The following PARD3B variants were observed in gnomAD, a reference collection of about 807,000 sequenced individuals.
PARD3B encodes partitioning defective 3 homolog B.
A neutral mutation model predicts 130.2 loss-of-function variants in PARD3B; 103 were observed. That is an observed-to-expected ratio of 0.79 (90% CI 0.67 to 0.93). The LOEUF (loss-of-function observed/expected upper bound fraction) is 0.93. PARD3B is among the 40% of genes least tolerant of loss of function. PARD3B has a pLI of 0.00. For synonymous variants in PARD3B, 583 were observed against 553.2 expected (o/e 1.05, Z -0.76); for missense variants, 1,609 against 1,499.2 (o/e 1.07, Z -1.21).
At chr2:205,072,692 TAATG>T (rs912679503) in intron 4 of PARD3B, among the ~76,000 whole-genome samples, 1 of 152,144 alleles carries the variant, frequency 6.6e-6, no homozygotes, top group African/African-American at 2.4e-5. Context: ...AAATTGAAAA[TAATG>T]AGGAAGAAAA....
intron 13 of PARD3B, among the ~76,000 whole-genome samples, chr2:205,180,773 G>A (rs533748679): frequency 7.9e-5 from 12 of 152,100 alleles, no homozygotes; most frequent in African/African-American, 2.4e-4. Context: ...TATAGAAATC[G>A]TAATACCAGA....
rs757361545 is a variant in PARD3B at position 205,193,257 on chromosome 2, T to A, written c.2077T>A (p.Ser693Thr). Reference sequence around the variant, plus strand: ...TCCAGATCAGCACATCAACTTCAGATCTGTGACACCGGCCAGGCAGCCTGA... The same window carrying A: ...TCCAGATCAGCACATCAACTTCAGAACTGTGACACCGGCCAGGCAGCCTGA... ...YFPDQHINFR[S>T]VTPARQPESI... The change falls in exon 15 of 23, where the codon TCT (serine) becomes ACT (threonine). Residue 693 changes from serine (S) to threonine (T), a missense_variant. Ser to Thr is a moderately conservative substitution (Grantham distance 58). Transcript: ENST00000406610. 1.9e-6 allele frequency: 3 copies of A among 1,613,828 alleles called. No homozygotes were observed. The highest frequency in any genetic ancestry group is 2.2e-5 in the East Asian group (1 of 44,870).
At chr2:204,627,114 A>C (rs2034514178) in intron 1 of PARD3B, among the ~76,000 whole-genome samples, 2 of 152,138 alleles carry the variant, frequency 1.3e-5, no homozygotes. Flanking sequence ...ACCTTGTGAA[A>C]AAGGCATTTG....
rs904519249 is a variant in PARD3B, at chr2:205,616,769, G to C, written c.*956G>C. The C allele has an allele frequency of 2.0e-5, 3 of 152,406 alleles. No homozygotes were observed. Among genetic ancestry groups the C allele is most frequent in the African/African-American group, 4.8e-5 (2 of 41,422 alleles). 9.4% of individuals were successfully genotyped at this position (152,406 alleles called of 1,614,324 possible). A position where few individuals can be genotyped will look rare whatever the true frequency, so the allele number is the denominator to read the frequency against. On this transcript the variant is annotated 3_prime_UTR_variant, in exon 23 of 23. Coordinates refer to ENST00000406610, the MANE Select transcript of PARD3B (RefSeq NM_001302769.2). Reference sequence around the variant, plus strand: ...GCCTACTGGGGAGGTCTCACAGGAGGCAGTGCCCTGGGAAATGCCAAGTCC... The same window carrying C: ...GCCTACTGGGGAGGTCTCACAGGAGCCAGTGCCCTGGGAAATGCCAAGTCC...
At chr2:205,184,883 G>A (rs904894063) in intron 13 of PARD3B, among the ~76,000 whole-genome samples, 2 of 152,104 alleles carry the variant, frequency 1.3e-5, no homozygotes, top group African/African-American at 4.8e-5. Flanking sequence ...GAGAAGTTGA[G>A]TAATTTGCCA....
At chr2:205,420,351 A>G (rs2046926155) in intron 19 of PARD3B, among the ~76,000 whole-genome samples, 1 of 152,194 alleles carries the variant, frequency 6.6e-6, no homozygotes, top group Admixed American at 6.5e-5. Context: ...TAGGTCATTT[A>G]GCCTTTTTCC....
chr2:205,390,707 C>T (rs1244206619), intron 18 of PARD3B, among the ~76,000 whole-genome samples: 1 of 151,716 alleles, frequency 6.6e-6, no homozygotes, highest in African/African-American at 2.4e-5. Flanking sequence ...TTAAAATGGT[C>T]CTTTGCAAGG....
rs555971259 is a variant in PARD3B, at chr2:205,250,167, T to A, written c.2185+4345T>A. Among the ~76,000 whole-genome samples the A allele has an allele frequency of 1.2e-4, 18 of 152,116 alleles. No homozygotes were observed. The South Asian group carries it at 3.7e-3, about 31-fold the overall frequency. On this transcript the variant is annotated intron_variant, in intron 16 of 22. Transcript: ENST00000406610. Reference sequence around the variant, plus strand: ...TCTACTAAAATGACACTTCAACCAATAGTTTAATGCTCCTTTATGTTCAGA... The same window carrying A: ...TCTACTAAAATGACACTTCAACCAAAAGTTTAATGCTCCTTTATGTTCAGA...
At chr2:205,516,842 C>T (rs2050811261) in intron 21 of PARD3B, among the ~76,000 whole-genome samples, 1 of 152,102 alleles carries the variant, frequency 6.6e-6, no homozygotes, top group Non-Finnish European at 1.5e-5. Flanking sequence ...TGTCTTGTGA[C>T]AGATTTCAAG....
chr2:205,047,423 A>C (rs1222894427), intron 3 of PARD3B, among the ~76,000 whole-genome samples, 158 bp from the exon 4 acceptor site: 1 of 152,242 alleles, frequency 6.6e-6, no homozygotes, highest in African/African-American at 2.4e-5. Flanking sequence ...AATAGATGAC[A>C]AAAGATCATT....
At chr2:205,211,080 T>C (rs1275958125) in intron 15 of PARD3B, among the ~76,000 whole-genome samples, 3 of 152,094 alleles carry the variant, frequency 2.0e-5, no homozygotes, top group Non-Finnish European at 1.5e-5. Context: ...AATTCAGATT[T>C]ATTTATGATA....
At chr2:205,328,444 T>A (rs887219347) in intron 18 of PARD3B, among the ~76,000 whole-genome samples, 48 of 152,274 alleles carry the variant, frequency 3.2e-4, no homozygotes, top group Non-Finnish European at 4.4e-5. Flanking sequence ...ACCCCCTTAA[T>A]GGTTTTTATA....
chr2:204,782,973 A>AAG (rs2041890061), intron 2 of PARD3B, among the ~76,000 whole-genome samples: 1 of 152,100 alleles, frequency 6.6e-6, no homozygotes, highest in Non-Finnish European at 1.5e-5. Context: ...TCACTTTCAA[A>AAG]AGAGTGCTTA....
At chr2:204,794,788 CA>C (rs1455884116) in intron 2 of PARD3B, among the ~76,000 whole-genome samples, 12 of 152,142 alleles carry the variant, frequency 7.9e-5, no homozygotes, top group Non-Finnish European at 4.4e-5. Flanking sequence ...TGGTACAAGC[CA>C]GCTTCAGCAC....
chr2:204,706,558 G>A (rs1047097875), intron 2 of PARD3B, among the ~76,000 whole-genome samples: 3 of 151,964 alleles, frequency 2.0e-5, no homozygotes, highest in South Asian at 2.1e-4. Flanking sequence ...ATGAAATAGC[G>A]TTTTTCTTCA....
At chr2:205,223,034 A>G (rs6435278) in intron 15 of PARD3B, among the ~76,000 whole-genome samples, 122,559 of 152,158 alleles carry the variant, frequency 0.81, 49,665 homozygotes, top group East Asian at 0.98. Context: ...AAGTGTTCTG[A>G]GGCAGGATCG....
At chr2:204,904,174 C>A (rs2046965165) in intron 2 of PARD3B, among the ~76,000 whole-genome samples, 1 of 152,144 alleles carries the variant, frequency 6.6e-6, no homozygotes, top group South Asian at 2.1e-4. Context: ...AAAAAGTCTT[C>A]ATTACTTTCC....
At chr2:205,480,030 G>A (rs920220515) in intron 20 of PARD3B, among the ~76,000 whole-genome samples, 1 of 151,626 alleles carries the variant, frequency 6.6e-6, no homozygotes, top group Non-Finnish European at 1.5e-5. Context: ...AGCCTCCTGA[G>A]TAGCTGGGAT....
intron 2 of PARD3B, among the ~76,000 whole-genome samples, chr2:204,764,127 G>C (rs574010907): frequency 1.3e-5 from 2 of 152,286 alleles, no homozygotes; most frequent in East Asian, 3.9e-4. Flanking sequence ...CCACCACAGA[G>C]AGAGGGCCCC....
Sources: allele counts gnomAD v4.1 joint callset (sites outside exome capture counted in the v4.1 genomes callset), GRCh38; gene constraint gnomAD v4.1.1; transcripts MANE v1.5; gene names NCBI Gene and HGNC (gene_info 2026-07-23, HGNC 2026-07-21).